KBTBD12: variants seen among roughly 807,000 people sequenced by gnomAD.
KBTBD12 encodes kelch repeat and BTB domain-containing protein 12.
In KBTBD12, 53 loss-of-function variants were observed where a neutral mutation model predicts 58.7. That is an observed-to-expected ratio of 0.90 (90% confidence interval 0.72 to 1.14). KBTBD12 has a LOEUF of 1.14. Among genes scored for constraint, KBTBD12 ranks in the 50% most tolerant of loss-of-function variants. KBTBD12 has a pLI of 0.00. For synonymous variants in KBTBD12, 236 were observed against 259.8 expected (o/e 0.91, Z 0.88); for missense variants, 704 against 751.3 (o/e 0.94, Z 0.74).
intron 5 of KBTBD12, among the ~76,000 whole-genome samples, chr3:127,964,563 A>G (rs1038517362): frequency 1.3e-5 from 2 of 150,952 alleles, no homozygotes; most frequent in African/African-American, 2.4e-5. Context: ...AATTGCTTGA[A>G]CCAGGGAGTT....
At chr3:127,916,096 A>G (rs1939229652) in intron 1 of KBTBD12, among the ~76,000 whole-genome samples, 1 of 152,256 alleles carries the variant, frequency 6.6e-6, no homozygotes, top group Admixed American at 6.5e-5. Flanking sequence ...CTAATGAGCT[A>G]TAATGCGGAT....
rs117248433 is a variant in KBTBD12, at chr3:127,965,853, G to A, written c.1690+2467G>A. ...TTTGGAAGCTAAAAAGCAGATGTAT[G>A]AGAAAGTGTAATCCTAACTGGCAAC... On this transcript the variant is annotated intron_variant, in intron 5 of 5. Coordinates refer to ENST00000405109, the MANE Select transcript of KBTBD12 (RefSeq NM_207335.4). 6.7e-4 allele frequency among the ~76,000 whole-genome samples: 102 copies of A among 152,290 alleles called. 1 individual carries two copies. In the East Asian group the frequency reaches 0.018, roughly 27 times the overall value.
intron 5 of KBTBD12, 79 bp downstream of exon 5, chr3:127,963,465 A>G (rs1299908842): frequency 7.6e-7 from 1 of 1,310,240 alleles, no homozygotes; most frequent in African/African-American, 1.5e-5. Context: ...ATCACCACTA[A>G]TATTCCTGAG....
intron 2 of KBTBD12, among the ~76,000 whole-genome samples, chr3:127,925,110 T>C (rs13086734): frequency 0.26 from 39,326 of 152,096 alleles, 6,315 homozygotes; most frequent in Non-Finnish European, 0.36. Flanking sequence ...AGCATTACAT[T>C]ATCTGTCTCA....
At chr3:127,916,122 A>AAC (rs1939230784) in intron 1 of KBTBD12, among the ~76,000 whole-genome samples, 1 of 152,246 alleles carries the variant, frequency 6.6e-6, no homozygotes, top group African/African-American at 2.4e-5. Flanking sequence ...CACTTTGAAA[A>AAC]GTATAAAGCA....
intron 3 of KBTBD12, among the ~76,000 whole-genome samples, chr3:127,928,680 T>G (rs1424537348): frequency 6.6e-6 from 1 of 152,218 alleles, no homozygotes. Context: ...GGAGCACTCT[T>G]CTTAGGATCA....
chr3:127,981,447 A>T (rs1193108591), intron 5 of KBTBD12, among the ~76,000 whole-genome samples: 1 of 152,262 alleles, frequency 6.6e-6, no homozygotes, highest in Non-Finnish European at 1.5e-5. Flanking sequence ...TGACATAAAT[A>T]GAATTACTTC....
In KBTBD12 at chr3:127,945,315, G is replaced by C. The variant is rs1411090206; in HGVS notation, c.1492+15032G>C. Among the ~76,000 whole-genome samples, 5 of 150,996 alleles carry C rather than the reference G, an allele frequency of 3.3e-5. No individual in the cohort carries two copies. The East Asian group carries it at 9.8e-4, about 30-fold the overall frequency. On this transcript the variant is annotated intron_variant, in intron 4 of 5. Coordinates refer to ENST00000405109, the MANE Select transcript of KBTBD12 (RefSeq NM_207335.4). ...TTCTCCTACCTCAGCCTCCCGAGTA[G>C]GTGAGACTACAGGCGCCCACCACAA... is the stretch of plus-strand genomic sequence containing the variant.
chr3:127,946,676 T>C (rs1049462762), intron 4 of KBTBD12, among the ~76,000 whole-genome samples: 26 of 152,214 alleles, frequency 1.7e-4, no homozygotes, highest in South Asian at 2.1e-4. Flanking sequence ...TTCATCTGTT[T>C]TGGGGAAATT....
intron 5 of KBTBD12, among the ~76,000 whole-genome samples, chr3:127,980,935 T>C (rs887522351): frequency 6.6e-6 from 1 of 151,572 alleles, no homozygotes; most frequent in African/African-American, 2.4e-5. Context: ...AGATACCAAA[T>C]TAGAAACAAT....
In KBTBD12 at chr3:127,923,581, G is replaced by A; in HGVS notation, c.520G>A (p.Val174Met). Residue 174 changes from valine (V) to methionine (M), a missense_variant, in exon 2 of 6, where the codon GTG (valine) becomes ATG (methionine). Physicochemically the swap from Val to Met is conservative, Grantham distance 21. Coordinates refer to ENST00000405109, the MANE Select transcript of KBTBD12 (RefSeq NM_207335.4). ...SLHEEILEIEVHQFLTLIKSD... is the reference protein window; with the variant it reads ...SLHEEILEIEMHQFLTLIKSD... ...ACATGAAGAAATACTAGAAATCGAA[G>A]TGCACCAATTTTTGACACTTATTAA... The A allele has an allele frequency of 6.2e-7, 1 of 1,613,450 alleles. No homozygotes were observed. The highest frequency in any genetic ancestry group is 1.1e-5 in the South Asian group (1 of 91,022).
At chr3:127,979,385 T>C (rs1039936694) in intron 5 of KBTBD12, among the ~76,000 whole-genome samples, 5 of 152,166 alleles carry the variant, frequency 3.3e-5, no homozygotes, top group African/African-American at 1.2e-4. Flanking sequence ...GCAGAAGCTA[T>C]TGGAAATAGT....
intron 5 of KBTBD12, among the ~76,000 whole-genome samples, chr3:127,982,132 G>A (rs1481982318): frequency 6.6e-6 from 1 of 152,082 alleles, no homozygotes; most frequent in East Asian, 1.9e-4. Context: ...TCTGGCTTCT[G>A]GATGGTTCAG....
At chr3:127,953,807 A>G (rs982899765) in intron 4 of KBTBD12, among the ~76,000 whole-genome samples, 2 of 152,240 alleles carry the variant, frequency 1.3e-5, no homozygotes, top group African/African-American at 4.8e-5. Context: ...AGATTGCTCA[A>G]GTGACTCCAT....
rs577286452 is a variant in KBTBD12 at position 127,950,471 on chromosome 3, T to C, written c.1493-12718T>C. Among the ~76,000 whole-genome samples, 6 of 152,300 alleles carry C rather than the reference T, an allele frequency of 3.9e-5. No individual in the cohort carries two copies. The South Asian group carries it at 8.3e-4, about 21-fold the overall frequency. The stretch of plus-strand genomic sequence containing the variant: ...AAATAATAGGTAAAATTCAATTAAG[T>C]AACATTGATGTCAAATAGACTAATA... On this transcript the variant is annotated intron_variant, in intron 4 of 5. Transcript: ENST00000405109.
intron 4 of KBTBD12, among the ~76,000 whole-genome samples, chr3:127,941,608 A>T (rs762061689): frequency 9.2e-5 from 14 of 152,102 alleles, no homozygotes; most frequent in Non-Finnish European, 1.3e-4. Flanking sequence ...ATTTTTTGAG[A>T]TGGAGTCTCA....
chr3:127,973,069 G>A (rs527349845), intron 5 of KBTBD12, among the ~76,000 whole-genome samples: 23 of 152,230 alleles, frequency 1.5e-4, no homozygotes, highest in East Asian at 5.8e-4. Context: ...GATAGCCACC[G>A]CTGTAATCAA....
At chr3:127,958,197 G>A (rs1940357814) in intron 4 of KBTBD12, among the ~76,000 whole-genome samples, 1 of 152,142 alleles carries the variant, frequency 6.6e-6, no homozygotes, top group African/African-American at 2.4e-5. Context: ...GTGTCTGTAG[G>A]GGAGGGGATG....
At chr3:127,936,204 A>G (rs1939827966) in intron 4 of KBTBD12, among the ~76,000 whole-genome samples, 1 of 152,036 alleles carries the variant, frequency 6.6e-6, no homozygotes, top group South Asian at 2.1e-4. Context: ...TGTCTCTACT[A>G]AAAATACAAA....
Sources: gnomAD v4.1 joint callset for allele counts (sites outside exome capture counted in the v4.1 genomes callset) on GRCh38, gnomAD v4.1.1 for gene constraint, MANE v1.5 for transcripts, NCBI Gene and HGNC (gene_info 2026-07-23, HGNC 2026-07-21) for gene names.